Variants in LAMA2 observed in about 807,000 individuals in gnomAD.
LAMA2 encodes the protein laminin subunit alpha-2.
Under a neutral mutation model 364.8 loss-of-function variants are expected in LAMA2, and 269 were observed. The ratio of observed to expected loss-of-function variants is 0.74; its 90% confidence interval spans 0.67 to 0.82. LAMA2 has a LOEUF of 0.82. LAMA2 is among the 40% of genes least tolerant of loss of function. The pLI is 0.00. For missense variants in LAMA2, 3,807 were observed against 3,873.2 expected (o/e 0.98, Z 0.45); for synonymous variants, 1,379 against 1,370.6 (o/e 1.01, Z -0.14).
At chr6:129,140,244 G>A (rs1164982248) in intron 4 of LAMA2, among the ~76,000 whole-genome samples, 3 of 152,052 alleles carry the variant, frequency 2.0e-5, no homozygotes, top group East Asian at 1.9e-4. Context: ...AAGCAAACAT[G>A]ATTTATATAG....
chr6:129,330,485 ATTC>A (rs1583508968), intron 29 of LAMA2, among the ~76,000 whole-genome samples: 1 of 151,016 alleles, frequency 6.6e-6, no homozygotes, highest in East Asian at 2.0e-4. Flanking sequence ...TCCTGTCATC[ATTC>A]TTAGTGATTT....
intron 1 of LAMA2, among the ~76,000 whole-genome samples, chr6:128,921,697 G>GTTTTTTTTTTTTTTTTTTTTTTTTTTT (rs547882651): frequency 5.9e-5 from 7 of 118,046 alleles, no homozygotes; most frequent in African/African-American, 2.2e-4. Context: ...ATGAATGTCT[G>GTTTTTTTTTTTTTTTTTTTTTTTTTTT]TTTTTTTTTT....
intron 14 of LAMA2, among the ~76,000 whole-genome samples, chr6:129,255,570 G>C (rs896889011): frequency 6.6e-6 from 1 of 151,964 alleles, no homozygotes; most frequent in African/African-American, 2.4e-5. Flanking sequence ...CAGCATAACC[G>C]AGTCCATCGT....
At chr6:129,365,439 T>C (rs1259082225) in intron 32 of LAMA2, among the ~76,000 whole-genome samples, 1 of 152,182 alleles carries the variant, frequency 6.6e-6, no homozygotes. Context: ...CTTGGCTCAC[T>C]GCAACCTCCG....
chr6:129,452,611 T>G (rs1288690902), intron 45 of LAMA2, among the ~76,000 whole-genome samples: 1 of 152,206 alleles, frequency 6.6e-6, no homozygotes, highest in Middle Eastern at 3.2e-3. Context: ...ATTTCAATTG[T>G]AAAATTTCAT....
At chr6:129,077,394 G>A (rs1244514360) in intron 3 of LAMA2, among the ~76,000 whole-genome samples, 1 of 152,102 alleles carries the variant, frequency 6.6e-6, no homozygotes, top group Non-Finnish European at 1.5e-5. Context: ...TGACAAAATA[G>A]ATTTATTTAA....
intron 32 of LAMA2, among the ~76,000 whole-genome samples, chr6:129,359,121 A>T (rs1777315668): frequency 6.6e-6 from 1 of 151,840 alleles, no homozygotes; most frequent in South Asian, 2.1e-4. Context: ...ACTGTTGTGT[A>T]GATAAAAACT....
intron 40 of LAMA2, among the ~76,000 whole-genome samples, chr6:129,424,954 A>C (rs1337980999): frequency 1.3e-5 from 2 of 149,268 alleles, no homozygotes; most frequent in African/African-American, 5.2e-5. Context: ...AAAAAGGATC[A>C]AATATGGATA....
chr6:129,146,960 A>G lies in LAMA2; in HGVS notation c.821A>G (p.Tyr274Cys), dbSNP rs1778492970. ...TTCTCTCTGGATTGCTTTTTGCAGT[A>G]TTACTACTCGGTCAAGGATATTTCA... is the stretch of plus-strand genomic sequence containing the variant. ...REIDPIVTRR[Y>C]YYSVKDISVG... The change falls in exon 6 of 65, where the codon TAT becomes TGT. Residue 274 changes from tyrosine (Y) to cysteine (C), a missense_variant and splice_region_variant. This residue lies in a region of LAMA2 where 394 missense variants were observed against 403.5 expected (regional missense o/e 0.98). Transcript: ENST00000421865. The G allele has an allele frequency of 1.2e-6, 2 of 1,601,886 alleles. No homozygotes were observed. The highest frequency in any genetic ancestry group is 1.7e-6 in the Non-Finnish European group (2 of 1,169,138).
At chr6:129,459,038 T>G (rs1361338459) in intron 48 of LAMA2, among the ~76,000 whole-genome samples, 1 of 152,050 alleles carries the variant, frequency 6.6e-6, no homozygotes, top group Non-Finnish European at 1.5e-5. Flanking sequence ...GAATACATTC[T>G]GAGAAAGTTG....
At chr6:128,950,488 C>G (rs1780743381) in intron 1 of LAMA2, among the ~76,000 whole-genome samples, 1 of 152,110 alleles carries the variant, frequency 6.6e-6, no homozygotes, top group Non-Finnish European at 1.5e-5. Flanking sequence ...CATCTAAATT[C>G]TACTAGGACT....
intron 37 of LAMA2, among the ~76,000 whole-genome samples, chr6:129,395,295 A>G (rs998100941): frequency 1.3e-5 from 2 of 152,232 alleles, no homozygotes; most frequent in African/African-American, 4.8e-5. Flanking sequence ...TAACACAATT[A>G]ATACCCAACT....
In LAMA2 at chr6:129,314,671, T is replaced by C. The variant is rs200140103; in HGVS notation, c.3428T>C (p.Ile1143Thr). 1 of 1,613,664 alleles carries C rather than the reference T, an allele frequency of 6.2e-7. No individual in the cohort carries two copies. Among genetic ancestry groups the C allele is most frequent in the African/African-American group, 1.3e-5 (1 of 75,028 alleles). Residue 1143 changes from isoleucine to threonine, a missense_variant, in exon 24 of 65, where the codon ATC (isoleucine) becomes ACC (threonine). Around this residue, in one of 3 missense-constraint regions of LAMA2, gnomAD observed 3,333 missense variants for 3,345.7 expected, o/e 1.00. Transcript: ENST00000421865. ...QCTCKVNVEG[I>T]HCDRCRPGKF... is the part of the protein sequence containing the mutation. ...TTTCCTCAGGTGAATGTGGAAGGCA[T>C]CCACTGTGACAGATGCCGGCCTGGC...
intron 1 of LAMA2, among the ~76,000 whole-genome samples, chr6:129,041,462 G>C (rs1787089658): frequency 6.6e-6 from 1 of 152,204 alleles, no homozygotes; most frequent in Admixed American, 6.5e-5. Context: ...GATTCTGAAG[G>C]AAGTTGAAAA....
chr6:129,136,169 A>G (rs548555260), intron 4 of LAMA2, among the ~76,000 whole-genome samples: 161 of 152,172 alleles, frequency 1.1e-3, no homozygotes, highest in African/African-American at 3.6e-3. Context: ...CTTTCACTCA[A>G]TTCTGTGGAT....
rs530388366 is a variant in LAMA2, at chr6:129,445,504, T to G, written c.6275-163T>G. On this transcript the variant is annotated intron_variant, in intron 44 of 64. Coordinates refer to ENST00000421865, the MANE Select transcript of LAMA2 (RefSeq NM_000426.4). ...TCCCCTGGCCTGCTTGAGTCTCAAC[T>G]AAAATATTGACATTTGCCATCACAC... Among the ~76,000 whole-genome samples, 111 of 152,338 alleles carry G rather than the reference T, an allele frequency of 7.3e-4. 1 individual carries two copies. The highest frequency in any genetic ancestry group is 2.3e-3 in the African/African-American group (95 of 41,566).
chr6:128,968,662 C>T (rs112727156), intron 1 of LAMA2, among the ~76,000 whole-genome samples: 54 of 151,998 alleles, frequency 3.6e-4, no homozygotes, highest in African/African-American at 1.2e-3. Flanking sequence ...GAATGAACAT[C>T]TCATGTAGGG....
chr6:129,157,923 G>C, intron 8 of LAMA2: 1 of 1,614,182 alleles, frequency 6.2e-7, no homozygotes, highest in Non-Finnish European at 8.5e-7. Flanking sequence ...GCCCACCCTG[G>C]TATTCAAGGG....
At chr6:128,965,793 A>G (rs1781800129) in intron 1 of LAMA2, among the ~76,000 whole-genome samples, 1 of 151,916 alleles carries the variant, frequency 6.6e-6, no homozygotes, top group Non-Finnish European at 1.5e-5. Context: ...ATGTCTCCCA[A>G]TATTATTTCC....
Sources: allele counts gnomAD v4.1 joint callset (sites outside exome capture counted in the v4.1 genomes callset), GRCh38; gene constraint gnomAD v4.1.1; regional missense constraint gnomAD v4.1.1; transcripts MANE v1.5; gene names NCBI Gene and HGNC (gene_info 2026-07-23, HGNC 2026-07-21).